Variants in MAGI3 observed in about 807,000 individuals in gnomAD.
MAGI3 encodes membrane associated guanylate kinase, WW and PDZ domain containing 3.
A neutral mutation model predicts 121.8 loss-of-function variants in MAGI3; 43 were observed. The observed-to-expected ratio is 0.35, with a 90% confidence interval of 0.28 to 0.46. The LOEUF (loss-of-function observed/expected upper bound fraction) is 0.46. Ranked by LOEUF, MAGI3 falls within the 20% of genes least tolerant of loss-of-function variation. MAGI3 has a pLI of 1.00. For synonymous variants in MAGI3, 553 were observed against 639.3 expected (o/e 0.86, Z 2.04); for missense variants, 1,547 against 1,797.3 (o/e 0.86, Z 2.52).
intron 1 of MAGI3, among the ~76,000 whole-genome samples, chr1:113,524,182 G>T (rs1301543833): frequency 6.6e-6 from 1 of 152,238 alleles, no homozygotes; most frequent in Non-Finnish European, 1.5e-5. Flanking sequence ...TGTCCAGGCA[G>T]AAGTTTGCTG....
At chr1:113,487,644 A>G (rs1280353099) in intron 1 of MAGI3, among the ~76,000 whole-genome samples, 1 of 152,160 alleles carries the variant, frequency 6.6e-6, no homozygotes, top group African/African-American at 2.4e-5. Flanking sequence ...TGAAATTTTT[A>G]TTGAAAATAA....
At chr1:113,627,864 C>T (rs1034750417) in intron 9 of MAGI3, among the ~76,000 whole-genome samples, 10 of 151,956 alleles carry the variant, frequency 6.6e-5, no homozygotes, top group African/African-American at 2.4e-4. Context: ...TTTTCACTGG[C>T]ATGGAATGTC....
intron 1 of MAGI3, among the ~76,000 whole-genome samples, chr1:113,425,273 A>ATTTTTTT (rs949045641): frequency 2.3e-5 from 2 of 86,862 alleles, no homozygotes; most frequent in African/African-American, 4.4e-5. Flanking sequence ...TACAAATTCA[A>ATTTTTTT]TTTTTTTTTT....
intron 2 of MAGI3, among the ~76,000 whole-genome samples, chr1:113,560,600 T>A (rs1290664614): frequency 6.6e-6 from 1 of 152,120 alleles, no homozygotes; most frequent in East Asian, 1.9e-4. Context: ...TCAGAATCTC[T>A]GAGATACAGC....
intron 2 of MAGI3, among the ~76,000 whole-genome samples, chr1:113,555,285 G>T (rs1659941402): frequency 6.6e-6 from 1 of 152,182 alleles, no homozygotes; most frequent in Non-Finnish European, 1.5e-5. Context: ...CAAACGAAAT[G>T]TTAAAGGAAA....
In MAGI3 at chr1:113,681,283, G is replaced by C. The variant is rs368523865; in HGVS notation, c.3275G>C (p.Gly1092Ala). 28 of 1,614,152 alleles carry C rather than the reference G, an allele frequency of 1.7e-5. No individual in the cohort carries two copies. The highest frequency in any genetic ancestry group is 2.1e-5 in the Non-Finnish European group (25 of 1,180,024). The change falls in exon 20 of 21, where the codon GGA becomes GCA. Residue 1092 changes from glycine to alanine, a missense_variant. Gly to Ala is a moderately conservative substitution (Grantham distance 60). Transcript: ENST00000307546. The part of the protein sequence containing the change: ...TRAIELIQAG[G>A]NKVLLLLRPG... ...GCAATTGAGCTCATTCAGGCTGGTGGAAATAAAGTTCTTCTTCTTTTGAGG... is the reference window on the plus strand; with the variant it reads ...GCAATTGAGCTCATTCAGGCTGGTGCAAATAAAGTTCTTCTTCTTTTGAGG...
chr1:113,431,310 C>T (rs1332914785), intron 1 of MAGI3, among the ~76,000 whole-genome samples: 1 of 152,130 alleles, frequency 6.6e-6, no homozygotes. Flanking sequence ...AGATACTTGC[C>T]TTCACTATTT....
At chr1:113,681,797 A>G (rs1648232300) in intron 20 of MAGI3, among the ~76,000 whole-genome samples, 1 of 152,244 alleles carries the variant, frequency 6.6e-6, no homozygotes, top group Non-Finnish European at 1.5e-5. Context: ...GTGACTCGGC[A>G]AAAACAAGTT....
chr1:113,566,351 A>G (rs906976065), intron 2 of MAGI3, among the ~76,000 whole-genome samples: 1 of 152,192 alleles, frequency 6.6e-6, no homozygotes, highest in African/African-American at 2.4e-5. Context: ...TCATTGGTGA[A>G]TGGATAATTA....
intron 1 of MAGI3, among the ~76,000 whole-genome samples, chr1:113,505,123 T>A (rs1399900914): frequency 6.6e-6 from 1 of 151,224 alleles, no homozygotes; most frequent in Non-Finnish European, 1.5e-5. Flanking sequence ...ACAACAGGAG[T>A]AGGAAGGAAA....
At chr1:113,641,859 A>C in intron 9 of MAGI3, 52 bp from the exon 10 acceptor site, 2 of 1,496,930 alleles carry the variant, frequency 1.3e-6, no homozygotes, top group African/African-American at 1.4e-5. Context: ...CTAGCAAAAA[A>C]ATTAACTTAT....
chr1:113,673,593 G>T (rs1481743507), intron 19 of MAGI3, 128 bp downstream of exon 19: 17 of 1,053,096 alleles, frequency 1.6e-5, no homozygotes, highest in Non-Finnish European at 2.0e-5. Context: ...GTCATCACTG[G>T]TAGCTAAAAA....
intron 9 of MAGI3, among the ~76,000 whole-genome samples, chr1:113,637,057 C>CT (rs1202308351): frequency 2.0e-5 from 3 of 151,926 alleles, no homozygotes; most frequent in African/African-American, 2.4e-5. Context: ...CAACCCTTGT[C>CT]TTTTTTTTGT....
chr1:113,633,419 G>A (rs1201520720), intron 9 of MAGI3, among the ~76,000 whole-genome samples: 2 of 150,374 alleles, frequency 1.3e-5, no homozygotes, highest in Non-Finnish European at 3.0e-5. Flanking sequence ...CTGCCACTAC[G>A]CCCGGCTAAT....
chr1:113,522,371 C>T (rs1012420933), intron 1 of MAGI3, among the ~76,000 whole-genome samples: 4 of 152,214 alleles, frequency 2.6e-5, no homozygotes, highest in Non-Finnish European at 5.9e-5. Context: ...TCCCAAAGTG[C>T]TATGATTACA....
chr1:113,611,885 C>T (rs1650162668), intron 6 of MAGI3, among the ~76,000 whole-genome samples: 1 of 151,994 alleles, frequency 6.6e-6, no homozygotes, highest in Non-Finnish European at 1.5e-5. Context: ...ATTCTTAATA[C>T]CTCAATGCCC....
intron 2 of MAGI3, among the ~76,000 whole-genome samples, chr1:113,553,708 C>G (rs1464436160): frequency 6.6e-6 from 1 of 152,166 alleles, no homozygotes; most frequent in Non-Finnish European, 1.5e-5. Context: ...AGTAAATCAA[C>G]ACTCTTTAAA....
chr1:113,672,392 A>T (rs1193437122), intron 17 of MAGI3, among the ~76,000 whole-genome samples: 2 of 152,098 alleles, frequency 1.3e-5, no homozygotes, highest in African/African-American at 4.8e-5. Context: ...AGATGTCCTT[A>T]AAAAAATTGT....
chr1:113,584,168 T>G (rs564648274), intron 3 of MAGI3, among the ~76,000 whole-genome samples: 1 of 152,286 alleles, frequency 6.6e-6, no homozygotes, highest in African/African-American at 2.4e-5. Context: ...AAATATGATT[T>G]TAGAAAAATC....
Sources: gnomAD v4.1 joint callset for allele counts (sites outside exome capture counted in the v4.1 genomes callset) on GRCh38, gnomAD v4.1.1 for gene constraint, MANE v1.5 for transcripts, NCBI Gene and HGNC (gene_info 2026-07-23, HGNC 2026-07-21) for gene names.